Variants in METTL8 observed in about 807,000 individuals in gnomAD.
METTL8 encodes the protein tRNA N(3)-cytidine methyltransferase METTL8, mitochondrial.
Under a neutral mutation model 48.7 loss-of-function variants are expected in METTL8, and 32 were observed. The observed-to-expected ratio is 0.66, with a 90% confidence interval of 0.50 to 0.88. The LOEUF is 0.88. Among genes scored for constraint, METTL8 ranks in the 40% least tolerant of loss-of-function variants. METTL8 has a pLI of 0.00. For synonymous variants in METTL8, 136 were observed against 157.1 expected, an observed-to-expected ratio of 0.87 and a Z score of 1.01; for missense variants, 464 against 474.4, an observed-to-expected ratio of 0.98 and a Z score of 0.20.
chr2:171,359,883 G>A (rs976630548), intron 3 of METTL8, among the ~76,000 whole-genome samples: 3 of 152,214 alleles, frequency 2.0e-5, no homozygotes, highest in South Asian at 2.1e-4. Flanking sequence ...GAGCCACCGC[G>A]CCGGCTCCTG....
At chr2:171,403,932 G>A (rs957718395) in intron 1 of METTL8, among the ~76,000 whole-genome samples, 1 of 150,280 alleles carries the variant, frequency 6.7e-6, no homozygotes, top group Non-Finnish European at 1.5e-5. Context: ...AAGAGAGCAA[G>A]ATGATGAGAT....
At chr2:171,353,447 G>C (rs1311085701) in intron 3 of METTL8, among the ~76,000 whole-genome samples, 1 of 152,210 alleles carries the variant, frequency 6.6e-6, no homozygotes, top group Non-Finnish European at 1.5e-5. Context: ...ATGTTCTGTT[G>C]ATCTGGGGTG....
intron 3 of METTL8, among the ~76,000 whole-genome samples, chr2:171,356,952 A>ATGTGTTTTTTTTTTTT: frequency 1.3e-5 from 1 of 78,468 alleles, no homozygotes; most frequent in Non-Finnish European, 2.4e-5. Context: ...CAAAGACAAT[A>ATGTGTTTTTTTTTTTT]TTTTTTTTTT....
chr2:171,355,690 G>T (rs922184732), intron 3 of METTL8, among the ~76,000 whole-genome samples: 1 of 151,894 alleles, frequency 6.6e-6, no homozygotes, highest in Non-Finnish European at 1.5e-5. Context: ...CCCCAGCCTC[G>T]CTGCCACCTT....
Position 171,330,594 on chromosome 2 carries a change from G to A in METTL8, c.825C>T (p.Leu275=). ...PFPDGILDVI[L]LVFVLSSIHP... ...GAATAGAAGAGAGCACAAAGACAAG[G>A]AGAATGACATCCAGGATCCCATCTG... is the stretch of plus-strand genomic sequence containing the variant. Residue 275 remains leucine, a synonymous_variant, in exon 7 of 10, where the codon CTC becomes CTT. Transcript: ENST00000375258. The A allele has an allele frequency of 6.2e-7, 1 of 1,613,928 alleles. No individual in the cohort carries two copies. Among genetic ancestry groups the A allele is most frequent in the Non-Finnish European group, 8.5e-7 (1 of 1,179,922 alleles).
intron 1 of METTL8, among the ~76,000 whole-genome samples, chr2:171,398,928 G>A (rs1689379227): frequency 6.6e-6 from 1 of 152,088 alleles, no homozygotes; most frequent in South Asian, 2.1e-4. Context: ...GTATGAAGAA[G>A]GCAACAAAAA....
At chr2:171,418,278 G>A (rs978212125) in intron 1 of METTL8, among the ~76,000 whole-genome samples, 1 of 152,022 alleles carries the variant, frequency 6.6e-6, no homozygotes, top group African/African-American at 2.4e-5. Flanking sequence ...TATTTATTCT[G>A]ACAGTATCTC....
chr2:171,408,532 T>C (rs1261959452), intron 1 of METTL8, among the ~76,000 whole-genome samples: 1 of 152,268 alleles, frequency 6.6e-6, no homozygotes, highest in Middle Eastern at 3.4e-3. Context: ...TCTCACGTGA[T>C]CCACCCACCT....
chr2:171,333,106 T>C (rs529750222), intron 5 of METTL8, among the ~76,000 whole-genome samples: 83 of 151,858 alleles, frequency 5.5e-4, no homozygotes, highest in African/African-American at 1.9e-3. Flanking sequence ...TTTTCTTTTT[T>C]TTTTTTGAGA....
intron 1 of METTL8, among the ~76,000 whole-genome samples, chr2:171,426,703 G>C (rs953180264): frequency 7.9e-5 from 12 of 152,144 alleles, no homozygotes; most frequent in Non-Finnish European, 1.5e-4. Context: ...AAAATATAGA[G>C]AGGAAAGAAA....
chr2:171,427,725 C>T (rs1488439268), intron 1 of METTL8, among the ~76,000 whole-genome samples: 3 of 152,142 alleles, frequency 2.0e-5, no homozygotes, highest in Admixed American at 6.5e-5. Flanking sequence ...AGCACATCAC[C>T]CTGTTTTATT....
At chr2:171,330,442 T>C (rs1422529366) in intron 7 of METTL8, 117 bp downstream of exon 7, 1 of 962,856 alleles carries the variant, frequency 1.0e-6, no homozygotes, top group African/African-American at 1.7e-5. Flanking sequence ...GTATTATACA[T>C]AATGTTGCTC....
intron 2 of METTL8, among the ~76,000 whole-genome samples, chr2:171,390,130 T>C (rs537280120): frequency 2.6e-5 from 4 of 152,300 alleles, no homozygotes; most frequent in African/African-American, 9.6e-5. Context: ...CTATACTCTA[T>C]AAATGAAACA....
intron 2 of METTL8, among the ~76,000 whole-genome samples, chr2:171,385,155 G>A (rs1687922087): frequency 1.3e-5 from 2 of 152,008 alleles, no homozygotes; most frequent in African/African-American, 4.8e-5. Context: ...GCTCATGCCT[G>A]TAATCCCAGC....
chr2:171,378,558 G>T (rs1184244228), intron 2 of METTL8, among the ~76,000 whole-genome samples: 1 of 152,098 alleles, frequency 6.6e-6, no homozygotes, highest in Non-Finnish European at 1.5e-5. Flanking sequence ...CTTGAACCCG[G>T]GAGGTGGAGG....
chr2:171,320,605 A>G lies in METTL8; in HGVS notation c.*3567T>C, dbSNP rs113968209. 70 of 152,246 alleles carry G rather than the reference A, an allele frequency of 4.6e-4. No individual in the cohort carries two copies. Among genetic ancestry groups the G allele is most frequent in the African/African-American group, 1.7e-3 (70 of 41,550 alleles). 9.4% of individuals were successfully genotyped at this position (152,246 alleles called of 1,614,324 possible). A position where few individuals can be genotyped will look rare whatever the true frequency, so the allele number is the denominator to read the frequency against. On this transcript the variant is annotated 3_prime_UTR_variant, in exon 10 of 10. Coordinates refer to ENST00000375258, the MANE Select transcript of METTL8 (RefSeq NM_001321154.2). ...CCCATAGCAACATTAACTTATCTAA[A>G]CTGCCCTTGCTGTATGTAATACTTT... is the stretch of plus-strand genomic sequence containing the variant.
In METTL8 at chr2:171,317,191, C is replaced by T. The variant is rs918916654; in HGVS notation, c.*6981G>A. Among the ~76,000 whole-genome samples, 9 of 152,156 alleles carry T rather than the reference C, an allele frequency of 5.9e-5. No individual in the cohort carries two copies. The highest frequency in any genetic ancestry group is 2.2e-4 in the African/African-American group (9 of 41,432). On this transcript the variant is annotated 3_prime_UTR_variant, in exon 10 of 10. Transcript: ENST00000375258. ...TTCCAGCGGAAAAGCCTTAAAAGCC[C>T]AAAGGGTGACTGTCCTCCAGTGTTT...
intron 2 of METTL8, among the ~76,000 whole-genome samples, chr2:171,382,550 G>A (rs1260278902): frequency 1.3e-5 from 2 of 152,078 alleles, no homozygotes; most frequent in African/African-American, 2.4e-5. Context: ...ACAGGGGCCT[G>A]TCCAGGGGTG....
At chr2:171,399,567 G>A (rs1420850494) in intron 1 of METTL8, among the ~76,000 whole-genome samples, 1 of 152,116 alleles carries the variant, frequency 6.6e-6, no homozygotes, top group African/African-American at 2.4e-5. Flanking sequence ...CTTATGGGGA[G>A]CAGATCTCTC....
Sources: allele counts gnomAD v4.1 joint callset (sites outside exome capture counted in the v4.1 genomes callset), GRCh38; gene constraint gnomAD v4.1.1; transcripts MANE v1.5; gene names NCBI Gene and HGNC (gene_info 2026-07-23, HGNC 2026-07-21).